Variants in KCNH1 observed in about 807,000 individuals in gnomAD.
KCNH1 encodes the protein voltage-gated delayed rectifier potassium channel KCNH1.
In KCNH1, 27 loss-of-function variants were observed where a neutral mutation model predicts 69.2. The ratio of observed to expected loss-of-function variants is 0.39; its 90% confidence interval spans 0.29 to 0.54. The LOEUF is 0.54. Ranked by LOEUF, KCNH1 falls within the 20% of genes least tolerant of loss-of-function variation. KCNH1 has a pLI of 0.68. For missense variants in KCNH1, 798 were observed against 1,261.6 expected (o/e 0.63, Z 5.57); for synonymous variants, 456 against 487.7 (o/e 0.93, Z 0.86).
intron 5 of KCNH1, among the ~76,000 whole-genome samples, chr1:211,052,775 G>T (rs1003527523): frequency 6.6e-6 from 1 of 152,202 alleles, no homozygotes; most frequent in South Asian, 2.1e-4. Flanking sequence ...CAGCACGCAG[G>T]TCACTCATCA....
At chr1:210,917,303 G>C (rs74615539) in intron 7 of KCNH1, among the ~76,000 whole-genome samples, 11,840 of 147,404 alleles carry the variant, frequency 0.08, 667 homozygotes, top group South Asian at 0.18. Context: ...GAGAAACACA[G>C]AGAGAGAGAG....
In KCNH1 at chr1:210,683,775, C is replaced by T. The variant is rs541664168; in HGVS notation, c.2476G>A (p.Gly826Arg). ...APGSECLGPK[G>R]GGGDCAKRKS... ...CGCTTGGCACAATCGCCCCCGCCCC[C>T]CTTGGGGCCCAGGCACTCGGACCCT... The change falls in exon 11 of 11, where the codon GGG becomes AGG. Residue 826 changes from glycine to arginine, a missense_variant. Coordinates refer to ENST00000271751, the MANE Select transcript of KCNH1 (RefSeq NM_172362.3). This position sits in a 1 kb window ranked among gnomAD's most constrained non-coding sequence, Gnocchi z 5.7. The T allele has an allele frequency of 1.2e-6, 2 of 1,613,752 alleles. No homozygotes were observed. Among genetic ancestry groups the T allele is most frequent in the South Asian group, 1.1e-5 (1 of 91,086 alleles).
chr1:210,999,423 A>G (rs1163800038), intron 6 of KCNH1, among the ~76,000 whole-genome samples: 1 of 152,368 alleles, frequency 6.6e-6, no homozygotes, highest in African/African-American at 2.4e-5. Flanking sequence ...GAAGAAATGG[A>G]TAAATTCCTG....
intron 5 of KCNH1, among the ~76,000 whole-genome samples, chr1:211,074,923 C>A (rs777979928): frequency 6.6e-6 from 1 of 152,206 alleles, no homozygotes. Flanking sequence ...TAAGCCAATT[C>A]TTTGCAATAA....
At chr1:210,827,575 T>C (rs955186130) in intron 7 of KCNH1, among the ~76,000 whole-genome samples, 6 of 152,188 alleles carry the variant, frequency 3.9e-5, no homozygotes, top group African/African-American at 1.4e-4. Context: ...CACTTTACAT[T>C]CAAACAACAC....
At chr1:210,969,638 G>A (rs950094419) in intron 6 of KCNH1, among the ~76,000 whole-genome samples, 4 of 152,052 alleles carry the variant, frequency 2.6e-5, no homozygotes, top group African/African-American at 7.2e-5. Context: ...TAGGCCTAAC[G>A]TTGTTTGGTC....
intron 6 of KCNH1, among the ~76,000 whole-genome samples, chr1:211,017,854 C>T (rs1689519523): frequency 6.6e-6 from 1 of 152,144 alleles, no homozygotes; most frequent in Non-Finnish European, 1.5e-5. Context: ...TTGTCTCCTC[C>T]AAACCTCATG....
intron 6 of KCNH1, among the ~76,000 whole-genome samples, chr1:210,991,603 CCACACACACA>C (rs67518284): frequency 8.8e-5 from 13 of 148,418 alleles, no homozygotes; most frequent in East Asian, 2.0e-4. Context: ...TCTGTTCTTG[CCACACACACA>C]CACACACACA....
chr1:210,807,243 C>T (rs1375846130), intron 7 of KCNH1, among the ~76,000 whole-genome samples: 1 of 151,992 alleles, frequency 6.6e-6, no homozygotes, highest in Non-Finnish European at 1.5e-5. Context: ...TTGTGCTTCC[C>T]CTTTATGGTC....
intron 6 of KCNH1, among the ~76,000 whole-genome samples, chr1:210,960,264 T>C (rs1456142902): frequency 6.6e-6 from 1 of 152,186 alleles, no homozygotes; most frequent in Non-Finnish European, 1.5e-5. Flanking sequence ...ATTACCTATA[T>C]CATAAATTTT....
At chr1:210,846,516 T>A (rs950511869) in intron 7 of KCNH1, among the ~76,000 whole-genome samples, 6 of 152,242 alleles carry the variant, frequency 3.9e-5, no homozygotes, top group African/African-American at 1.4e-4. Context: ...CTGGGAAAAC[T>A]GGCTAGCCAT....
At position 211,106,113 on chromosome 1, in the gene KCNH1, C is replaced by T. The variant is rs555732734; in HGVS notation, c.203+1141G>A. 4.6e-5 allele frequency among the ~76,000 whole-genome samples: 7 copies of T among 152,314 alleles called. No homozygotes were observed. In the East Asian group the frequency reaches 1.3e-3, roughly 29 times the overall value. Reference sequence around the variant, plus strand: ...CTATGCTTGGTCAGACAGGCTTCTCCACTCTTCATAGATGAGTTTGTTTCC... The same window carrying T: ...CTATGCTTGGTCAGACAGGCTTCTCTACTCTTCATAGATGAGTTTGTTTCC... On this transcript the variant is annotated intron_variant, in intron 2 of 10. Transcript: ENST00000271751.
At chr1:210,948,842 A>G (rs550439422) in intron 6 of KCNH1, among the ~76,000 whole-genome samples, 14 of 151,982 alleles carry the variant, frequency 9.2e-5, no homozygotes, top group South Asian at 2.1e-4. Context: ...AAAAGGAAAA[A>G]AAAAAAAAGA....
Position 210,988,994 on chromosome 1 carries a change from A to G in KCNH1, c.1032+29789T>C, listed in dbSNP as rs531317172. On this transcript the variant is annotated intron_variant, in intron 6 of 10. Transcript: ENST00000271751. ...ATAGGATGAAAATAATAGATGTTCA[A>G]TGTAGCTCCTTAGATAACATTTTTT... is the stretch of plus-strand genomic sequence containing the variant. Among the ~76,000 whole-genome samples, 222 of 152,346 alleles carry G rather than the reference A, an allele frequency of 1.5e-3. 2 individuals are homozygous for G. The highest frequency in any genetic ancestry group is 5.1e-3 in the African/African-American group (211 of 41,578).
chr1:210,856,624 T>C lies in KCNH1; in HGVS notation c.1463-52458A>G, dbSNP rs574717639. On this transcript the variant is annotated intron_variant, in intron 7 of 10. Coordinates refer to ENST00000271751, the MANE Select transcript of KCNH1 (RefSeq NM_172362.3). ...TTACCCCAGAATTCTAACTCCTCTC[T>C]GTTCAAGCCTTTACAATGACCACCA... 2.0e-5 allele frequency among the ~76,000 whole-genome samples: 3 copies of C among 151,388 alleles called. No individual in the cohort carries two copies. In the South Asian group the frequency reaches 6.3e-4, roughly 32 times the overall value.
At chr1:211,098,899 C>T (rs924111722) in intron 3 of KCNH1, among the ~76,000 whole-genome samples, 7 of 152,182 alleles carry the variant, frequency 4.6e-5, no homozygotes, top group African/African-American at 1.7e-4. Context: ...TGTATGAGGA[C>T]TTGGAAATGA....
chr1:210,984,890 T>G (rs1442996809), intron 6 of KCNH1, among the ~76,000 whole-genome samples: 2 of 152,346 alleles, frequency 1.3e-5, no homozygotes, highest in African/African-American at 4.8e-5. Flanking sequence ...TCTGGTAGAA[T>G]TCAGCTGTGA....
At chr1:210,862,431 G>T (rs945503656) in intron 7 of KCNH1, 1 of 536,154 alleles carries the variant, frequency 1.9e-6, no homozygotes, top group Non-Finnish European at 3.4e-6. Flanking sequence ...GAACTCCTGG[G>T]CTCAAGTGAT....
At chr1:210,819,256 A>C (rs1684878735) in intron 7 of KCNH1, among the ~76,000 whole-genome samples, 1 of 152,324 alleles carries the variant, frequency 6.6e-6, no homozygotes, top group Non-Finnish European at 1.5e-5. Context: ...GATTTTGCAG[A>C]GTCTAGGAAA....
Sources: allele counts gnomAD v4.1 joint callset (sites outside exome capture counted in the v4.1 genomes callset), GRCh38; gene constraint gnomAD v4.1.1; non-coding constraint Gnocchi (gnomAD v3.1); transcripts MANE v1.5; gene names NCBI Gene and HGNC (gene_info 2026-07-23, HGNC 2026-07-21).